The following RAB1A variants were observed in gnomAD, a reference collection of about 807,000 sequenced individuals.
RAB1A encodes ras-related protein Rab-1A.
Under a neutral mutation model 26.0 loss-of-function variants are expected in RAB1A, and 2 were observed. The observed-to-expected ratio is 0.08, with a 90% CI of 0.03 to 0.24. The LOEUF is 0.24. RAB1A is among the 10% of genes least tolerant of loss of function. RAB1A has a pLI of 1.00. For missense variants in RAB1A, 100 were observed against 247.0 expected (o/e 0.40, Z 3.99); for synonymous variants, 84 against 84.9 (o/e 0.99, Z 0.06).
In RAB1A at chr2:65,109,543, A is replaced by C. The variant is rs1669646191; in HGVS notation, c.24-4737T>G. ...ACATGGTGAAACCCCGTCTCTACTA[A>C]AAAAAAAAATACAAAAATTAGCTCA... On this transcript the variant is annotated intron_variant, in intron 1 of 5. Coordinates refer to ENST00000409784, the MANE Select transcript of RAB1A (RefSeq NM_004161.5). Among the ~76,000 whole-genome samples, 3 of 142,960 alleles carry C rather than the reference A, an allele frequency of 2.1e-5. No individual in the cohort carries two copies. In the South Asian group the frequency reaches 6.4e-4, roughly 30 times the overall value. The allele number at this position is 142,960 out of a possible 152,430, so 93.8% of individuals were successfully genotyped here. A position where few individuals can be genotyped will look rare whatever the true frequency, so the allele number is the denominator to read the frequency against.
intron 1 of RAB1A, among the ~76,000 whole-genome samples, chr2:65,113,369 A>G (rs1277193628): frequency 6.6e-6 from 1 of 152,080 alleles, no homozygotes; most frequent in South Asian, 2.1e-4. Flanking sequence ...AGCCTGGTGC[A>G]GTGGTGCACA....
intron 1 of RAB1A, among the ~76,000 whole-genome samples, chr2:65,126,676 C>G (rs1242269902): frequency 6.6e-6 from 1 of 152,132 alleles, no homozygotes; most frequent in Non-Finnish European, 1.5e-5. Context: ...TAAACATTAG[C>G]TAATATACCA....
chr2:65,124,479 GCT>G (rs1670051646), intron 1 of RAB1A, among the ~76,000 whole-genome samples: 1 of 150,988 alleles, frequency 6.6e-6, no homozygotes, highest in African/African-American at 2.4e-5. Context: ...ACAGAGTCTT[GCT>G]CTGTCGCCCA....
intron 1 of RAB1A, among the ~76,000 whole-genome samples, chr2:65,112,240 C>T (rs1031487560): frequency 2.0e-5 from 3 of 151,600 alleles, no homozygotes; most frequent in East Asian, 2.0e-4. Context: ...CCACCTCCCC[C>T]GGGTTCAAGC....
Position 65,087,216 on chromosome 2 carries a change from A to C in RAB1A, c.*1277T>G, listed in dbSNP as rs962577299. ...TCCTCACAATTAAAAACCAAACAAA[A>C]CCCCCTAGGATCTTGAAGGTCCTAT... On this transcript the variant is annotated 3_prime_UTR_variant, in exon 6 of 6. Transcript: ENST00000409784. 6.6e-6 allele frequency: 1 copy of C among 152,372 alleles called. No homozygotes were observed. The highest frequency in any genetic ancestry group is 2.4e-5 in the African/African-American group (1 of 41,350). The allele number at this position is 152,372 out of a possible 1,614,324, so 9.4% of individuals were successfully genotyped here. A position where few individuals can be genotyped will look rare whatever the true frequency, so the allele number is the denominator to read the frequency against.
rs77904777 is a variant in RAB1A, at chr2:65,095,723, T to G, written c.192+2248A>C. Among the ~76,000 whole-genome samples the G allele has an allele frequency of 2.3e-4, 35 of 151,714 alleles. No individual in the cohort carries two copies. The East Asian group carries it at 5.3e-3, about 23-fold the overall frequency. The stretch of plus-strand genomic sequence containing the variant: ...AAAAATGGTAAGCTTCTTAAAAATG[T>G]TCAAAAACCCAGGCGTGGTGGCTCA... On this transcript the variant is annotated intron_variant, in intron 3 of 5. Coordinates refer to ENST00000409784, the MANE Select transcript of RAB1A (RefSeq NM_004161.5).
rs757626011 is a variant in RAB1A at position 65,103,304 on chromosome 2, A to AAAAAAAAAAAAAAAC, written c.96+1429_96+1430insGTTTTTTTTTTTTTT. 4.4e-5 allele frequency among the ~76,000 whole-genome samples: 5 copies of AAAAAAAAAAAAAAAC among 112,500 alleles called. 1 individual carries two copies. Among genetic ancestry groups the AAAAAAAAAAAAAAAC allele is most frequent in the African/African-American group, 6.2e-5 (2 of 32,376 alleles). 73.8% of individuals were successfully genotyped at this position (112,500 alleles called of 152,430 possible). On this transcript the variant is annotated intron_variant, in intron 2 of 5. Transcript: ENST00000409784. ...AACACAGCCAGAATCTGTCTCAAAA[A>AAAAAAAAAAAAAAAC]AAAAAAAAAACATTGTTTTATGTGA...
chr2:65,120,393 T>G (rs531821371), intron 1 of RAB1A, among the ~76,000 whole-genome samples: 1 of 146,456 alleles, frequency 6.8e-6, no homozygotes, highest in Admixed American at 7.1e-5. Context: ...GAGGTGGAGG[T>G]TGCAGTGAGC....
At chr2:65,089,137 C>T (rs540343521) in intron 4 of RAB1A, 67 bp from the exon 5 acceptor site, 143 of 1,381,292 alleles carry the variant, frequency 1.0e-4, no homozygotes, top group Admixed American at 4.4e-4. Flanking sequence ...ACAGAAACAT[C>T]GTTCCTGACC....
intron 4 of RAB1A, among the ~76,000 whole-genome samples, chr2:65,089,284 C>T (rs1669112788): frequency 6.6e-6 from 1 of 152,104 alleles, no homozygotes; most frequent in Non-Finnish European, 1.5e-5. Flanking sequence ...ACAATCACAG[C>T]TCACTGCACC....
At chr2:65,090,438 G>A (rs1337070861) in intron 4 of RAB1A, among the ~76,000 whole-genome samples, 1 of 152,024 alleles carries the variant, frequency 6.6e-6, no homozygotes, top group African/African-American at 2.4e-5. Context: ...GCTTCACACT[G>A]TCCCACATTG....
intron 2 of RAB1A, among the ~76,000 whole-genome samples, chr2:65,102,857 C>T (rs1468204294): frequency 2.0e-5 from 3 of 150,910 alleles, no homozygotes; most frequent in Non-Finnish European, 4.4e-5. Context: ...ACCCGAGAAG[C>T]GGAGGTTGCA....
chr2:65,102,438 T>C (rs1669452402), intron 2 of RAB1A, among the ~76,000 whole-genome samples: 2 of 152,126 alleles, frequency 1.3e-5, no homozygotes. Context: ...GTCATATGTA[T>C]TTAGGATACT....
At chr2:65,119,455 C>T (rs924320601) in intron 1 of RAB1A, among the ~76,000 whole-genome samples, 11 of 150,782 alleles carry the variant, frequency 7.3e-5, no homozygotes, top group Non-Finnish European at 1.2e-4. Context: ...TGCAATGACC[C>T]GAAATCGAGC....
At chr2:65,098,109 G>C in intron 2 of RAB1A, 43 bp from the exon 3 acceptor site, 1 of 1,163,274 alleles carries the variant, frequency 8.6e-7, no homozygotes, top group Non-Finnish European at 1.2e-6. Flanking sequence ...TTGTTCAGTG[G>C]AGCAGATGCA....
In RAB1A at chr2:65,111,048, T is replaced by C. The variant is rs545675521; in HGVS notation, c.24-6242A>G. Among the ~76,000 whole-genome samples, 6 of 152,284 alleles carry C rather than the reference T, an allele frequency of 3.9e-5. No homozygotes were observed. The South Asian group carries it at 1.2e-3, about 32-fold the overall frequency. Reference sequence around the variant, plus strand: ...ACTAAGGAGAAACAGGATATCTGCATGACCTCACCAAAGTATATCCCTCAA... The same window carrying C: ...ACTAAGGAGAAACAGGATATCTGCACGACCTCACCAAAGTATATCCCTCAA... On this transcript the variant is annotated intron_variant, in intron 1 of 5. Coordinates refer to ENST00000409784, the MANE Select transcript of RAB1A (RefSeq NM_004161.5).
chr2:65,123,789 G>A (rs867847616), intron 1 of RAB1A, among the ~76,000 whole-genome samples: 12 of 151,546 alleles, frequency 7.9e-5, no homozygotes, highest in African/African-American at 2.2e-4. Flanking sequence ...TCACGCCAAC[G>A]CACTCCAGTG....
At chr2:65,120,972 A>G (rs1049964065) in intron 1 of RAB1A, among the ~76,000 whole-genome samples, 1 of 152,146 alleles carries the variant, frequency 6.6e-6, no homozygotes, top group Non-Finnish European at 1.5e-5. Context: ...AAGACCATAG[A>G]TGGCCAAGTG....
rs1018984886 is a variant in RAB1A at position 65,117,142 on chromosome 2, G to A, written c.24-12336C>T. 1.1e-4 allele frequency among the ~76,000 whole-genome samples: 15 copies of A among 136,318 alleles called. 1 individual carries two copies. The highest frequency in any genetic ancestry group is 7.4e-4 in the South Asian group (3 of 4,072). 89.4% of individuals were successfully genotyped at this position (136,318 alleles called of 152,430 possible). ...GTGCAGTGGTGCAATCACAGTTCACGGCAGCCTCCAACTTCTGGGCTCAAG... is the reference window on the plus strand; with the variant it reads ...GTGCAGTGGTGCAATCACAGTTCACAGCAGCCTCCAACTTCTGGGCTCAAG... On this transcript the variant is annotated intron_variant, in intron 1 of 5. Transcript: ENST00000409784.
Sources: gnomAD v4.1 joint callset for allele counts (sites outside exome capture counted in the v4.1 genomes callset) on GRCh38, gnomAD v4.1.1 for gene constraint, MANE v1.5 for transcripts, NCBI Gene and HGNC (gene_info 2026-07-23, HGNC 2026-07-21) for gene names.